The following ADGRB3 variants were observed in gnomAD, a reference collection of about 807,000 sequenced individuals.
ADGRB3 encodes the protein adhesion G protein-coupled receptor B3, also known as brain-specific angiogenesis inhibitor 3.
In ADGRB3, 37 loss-of-function variants were observed where a neutral mutation model predicts 193.4. The ratio of observed to expected loss-of-function variants is 0.19; its 90% confidence interval spans 0.15 to 0.25. The LOEUF is 0.25. ADGRB3 is among the 10% of genes least tolerant of loss of function. ADGRB3 has a pLI of 1.00. For missense variants in ADGRB3, 1,637 were observed against 1,852.9 expected (o/e 0.88, Z 2.14); for synonymous variants, 690 against 644.2 (o/e 1.07, Z -1.08).
chr6:69,094,092 G>A (rs1008575925), intron 17 of ADGRB3, among the ~76,000 whole-genome samples: 1 of 152,180 alleles, frequency 6.6e-6, no homozygotes, highest in Non-Finnish European at 1.5e-5. Context: ...TGGAGGCAAG[G>A]TGAAGAGAGG....
rs528872632 is a variant in ADGRB3, at chr6:69,009,896, G to T, written c.1930-4142G>T. 8.0e-4 allele frequency among the ~76,000 whole-genome samples: 121 copies of T among 152,102 alleles called. 4 individuals are homozygous for T. The South Asian group carries it at 0.025, about 31-fold the overall frequency. ...CCATGGAAATAGGAATTCAGCAAAA[G>T]CAAAATGCTAAGACATATTTTAGTA... On this transcript the variant is annotated intron_variant, in intron 11 of 31. Coordinates refer to ENST00000370598, the MANE Select transcript of ADGRB3 (RefSeq NM_001704.3).
chr6:69,181,512 T>C (rs1775583473), intron 17 of ADGRB3, among the ~76,000 whole-genome samples: 1 of 151,592 alleles, frequency 6.6e-6, no homozygotes, highest in African/African-American at 2.4e-5. Flanking sequence ...GAAATACTTA[T>C]AATTATATTA....
At chr6:68,965,673 C>A (rs1582354837) in intron 8 of ADGRB3, among the ~76,000 whole-genome samples, 2 of 152,250 alleles carry the variant, frequency 1.3e-5, no homozygotes, top group East Asian at 3.9e-4. Context: ...TAACTACATA[C>A]TTGTGACTTC....
intron 6 of ADGRB3, among the ~76,000 whole-genome samples, chr6:68,950,819 C>G (rs1767896872): frequency 1.3e-5 from 2 of 152,180 alleles, no homozygotes; most frequent in Admixed American, 1.3e-4. Flanking sequence ...GTATAGTCCT[C>G]CAATATTTCA....
intron 31 of ADGRB3, among the ~76,000 whole-genome samples, chr6:69,386,443 G>T (rs1162505624): frequency 6.6e-6 from 1 of 152,006 alleles, no homozygotes; most frequent in African/African-American, 2.4e-5. Flanking sequence ...GTCCACTGTG[G>T]ATCTGATTCA....
intron 17 of ADGRB3, among the ~76,000 whole-genome samples, chr6:69,098,674 C>A (rs1002608815): frequency 1.6e-4 from 24 of 152,160 alleles, no homozygotes; most frequent in African/African-American, 5.6e-4. Flanking sequence ...CAGGCCCTTC[C>A]TCCAATTCGA....
intron 3 of ADGRB3, among the ~76,000 whole-genome samples, chr6:68,911,227 T>C (rs552039939): frequency 8.0e-6 from 1 of 124,616 alleles, no homozygotes; most frequent in East Asian, 2.6e-4. Context: ...TGGGAAAACA[T>C]GGACACAGGA....
chr6:69,165,368 T>TC (rs1289635686), intron 17 of ADGRB3, among the ~76,000 whole-genome samples: 1 of 152,002 alleles, frequency 6.6e-6, no homozygotes, highest in African/African-American at 2.4e-5. Context: ...CATTTTTGTG[T>TC]CATCCTTGGG....
At chr6:68,989,606 C>T (rs999486276) in intron 10 of ADGRB3, among the ~76,000 whole-genome samples, 6 of 152,064 alleles carry the variant, frequency 3.9e-5, no homozygotes, top group African/African-American at 7.2e-5. Context: ...ATAATAACAA[C>T]GTGATTATTT....
At chr6:69,237,852 T>C (rs1766301935) in intron 19 of ADGRB3, among the ~76,000 whole-genome samples, 1 of 152,084 alleles carries the variant, frequency 6.6e-6, no homozygotes. Context: ...CATCTCAGTG[T>C]GTGGTTTATT....
chr6:69,083,289 T>C (rs1269424686), intron 17 of ADGRB3, among the ~76,000 whole-genome samples: 5 of 152,232 alleles, frequency 3.3e-5, no homozygotes, highest in Non-Finnish European at 7.3e-5. Context: ...TATTTCTTTT[T>C]AGACTAAAGT....
intron 28 of ADGRB3, among the ~76,000 whole-genome samples, chr6:69,360,416 G>A (rs1041129473): frequency 1.3e-5 from 2 of 151,954 alleles, no homozygotes; most frequent in East Asian, 3.9e-4. Context: ...CCTTCAAGAA[G>A]CATTTTAATG....
intron 17 of ADGRB3, among the ~76,000 whole-genome samples, chr6:69,205,393 C>A (rs535219547): frequency 5.6e-4 from 61 of 108,282 alleles, no homozygotes; most frequent in African/African-American, 3.1e-3. Flanking sequence ...GAATAAAAGA[C>A]CTTTTTTTTT....
At chr6:69,080,657 GAA>G (rs3839464) in intron 17 of ADGRB3, among the ~76,000 whole-genome samples, 1 of 147,878 alleles carries the variant, frequency 6.8e-6, no homozygotes, top group East Asian at 2.0e-4. Context: ...GAGCAGCAAT[GAA>G]AAAAAAAAGT....
At chr6:69,068,790 C>A (rs1771986739) in intron 16 of ADGRB3, among the ~76,000 whole-genome samples, 1 of 152,102 alleles carries the variant, frequency 6.6e-6, no homozygotes. Flanking sequence ...TAAATATGTG[C>A]CCTCTCCTTG....
At position 69,250,459 on chromosome 6, in the gene ADGRB3, A is replaced by G. The variant is rs1229653088; in HGVS notation, c.2814+11233A>G. The stretch of plus-strand genomic sequence containing the variant: ...GAACAGCATCCTTTATTACAATGAA[A>G]AGGACAATCTGTACCAATTATCTAT... On this transcript the variant is annotated intron_variant, in intron 20 of 31. Coordinates refer to ENST00000370598, the MANE Select transcript of ADGRB3 (RefSeq NM_001704.3). Among the ~76,000 whole-genome samples the G allele has an allele frequency of 2.0e-5, 3 of 152,244 alleles. No homozygotes were observed. In the South Asian group the frequency reaches 6.2e-4, roughly 31 times the overall value.
At chr6:68,878,807 G>A (rs896404571) in intron 3 of ADGRB3, among the ~76,000 whole-genome samples, 2 of 152,194 alleles carry the variant, frequency 1.3e-5, no homozygotes, top group African/African-American at 4.8e-5. Flanking sequence ...AGTTCCATGT[G>A]GCTGGGGAAG....
At chr6:69,278,854 C>CATAACCA (rs1373002702) in intron 20 of ADGRB3, among the ~76,000 whole-genome samples, 1 of 151,644 alleles carries the variant, frequency 6.6e-6, no homozygotes, top group Non-Finnish European at 1.5e-5. Flanking sequence ...ACAAAATATA[C>CATAACCA]ATAACCAATA....
chr6:68,759,216 T>C, intron 3 of ADGRB3, among the ~76,000 whole-genome samples: 1 of 152,230 alleles, frequency 6.6e-6, no homozygotes, highest in South Asian at 2.1e-4. Flanking sequence ...TATTATTATA[T>C]AGAGTGTATA....
Sources: gnomAD v4.1 joint callset for allele counts (sites outside exome capture counted in the v4.1 genomes callset) on GRCh38, gnomAD v4.1.1 for gene constraint, MANE v1.5 for transcripts, NCBI Gene and HGNC (gene_info 2026-07-23, HGNC 2026-07-21) for gene names.